Variants in DNAAF4 observed in about 807,000 individuals in gnomAD.
DNAAF4 encodes the protein dynein assembly factor 4, axonemal.
DNAAF4 carries 43 observed loss-of-function variants against 51.8 expected under a neutral mutation model. That is an observed-to-expected ratio of 0.83 (90% CI 0.65 to 1.07). The LOEUF (loss-of-function observed/expected upper bound fraction) is 1.07, where lower values mean the gene tolerates loss of function less well. Among genes scored for constraint, DNAAF4 ranks in the 50% least tolerant of loss-of-function variants. The pLI, the probability that DNAAF4 is intolerant of heterozygous loss-of-function variation, is 0.00. For missense variants in DNAAF4, 581 were observed against 493.0 expected, an observed-to-expected ratio of 1.18 and a Z score of -1.69; for synonymous variants, 194 against 165.6, an observed-to-expected ratio of 1.17 and a Z score of -1.32.
chr15:55,466,828 A>C, intron 5 of DNAAF4, 102 bp downstream of exon 5: 2 of 1,433,628 alleles, frequency 1.4e-6, no homozygotes, highest in South Asian at 2.7e-5. Context: ...CAATGTGCCA[A>C]AACAGTAACC....
In DNAAF4 at chr15:55,466,955, C is replaced by T; in HGVS notation, c.612G>A (p.Leu204=). The stretch of plus-strand genomic sequence containing the variant: ...CTTTTGGAGCAAGATTTCTAGATGC[C>T]AAATTTCTAGTAAGACTCTTATATT... ...KIKYKSLTRN[L]ASRNLAPKGR... Residue 204 remains leucine, a synonymous_variant, in exon 5 of 10, where the codon TTG becomes TTA. Coordinates refer to ENST00000321149, the MANE Select transcript of DNAAF4 (RefSeq NM_130810.4). 3 of 1,583,348 alleles carry T rather than the reference C, an allele frequency of 1.9e-6. No individual in the cohort carries two copies. The highest frequency in any genetic ancestry group is 2.6e-6 in the Non-Finnish European group (3 of 1,172,566).
chr15:55,479,581 T>G (rs988728510), intron 4 of DNAAF4, among the ~76,000 whole-genome samples: 3 of 152,140 alleles, frequency 2.0e-5, no homozygotes, highest in Non-Finnish European at 4.4e-5. Context: ...GGTCTGACTG[T>G]CTGTGGGGTC....
At chr15:55,480,697 T>C (rs548299762) in intron 4 of DNAAF4, among the ~76,000 whole-genome samples, 2 of 151,456 alleles carry the variant, frequency 1.3e-5, no homozygotes, top group East Asian at 2.0e-4. Context: ...AAACAGGAAA[T>C]AGTGGGCTTC....
chr15:55,440,430 G>C (rs1407198583), intron 6 of DNAAF4, among the ~76,000 whole-genome samples: 1 of 151,814 alleles, frequency 6.6e-6, no homozygotes, highest in African/African-American at 2.4e-5. Context: ...TCAGGCTGGA[G>C]TGCAGTGGTG....
At chr15:55,428,343 A>G (rs11631285), downstream of DNAAF4, among the ~76,000 whole-genome samples, 149,577 of 152,220 alleles carry the variant, frequency 0.98, 73,539 homozygotes, top group East Asian at 1. Context: ...TTGGGAAAGG[A>G]CTGTCACTGT....
At chr15:55,470,132 A>C (rs1364562124) in intron 4 of DNAAF4, among the ~76,000 whole-genome samples, 2 of 151,236 alleles carry the variant, frequency 1.3e-5, no homozygotes, top group African/African-American at 4.9e-5. Flanking sequence ...GCTCACTGCA[A>C]CCTCCGCCTC....
intron 4 of DNAAF4, among the ~76,000 whole-genome samples, chr15:55,472,419 A>G (rs543873319): frequency 6.6e-6 from 1 of 152,248 alleles, no homozygotes; most frequent in Admixed American, 6.5e-5. Flanking sequence ...GGAGTTCAAG[A>G]ACAACCTGGC....
intron 1 of DNAAF4, among the ~76,000 whole-genome samples, chr15:55,502,089 A>C (rs2058702686): frequency 1.3e-5 from 2 of 152,100 alleles, no homozygotes; most frequent in African/African-American, 2.4e-5. Context: ...AGGCATAATA[A>C]AGACTATTAA....
intron 5 of DNAAF4, among the ~76,000 whole-genome samples, chr15:55,464,981 G>C (rs2058147596): frequency 6.6e-6 from 1 of 151,990 alleles, no homozygotes; most frequent in Non-Finnish European, 1.5e-5. Flanking sequence ...ACAAACAAAT[G>C]TCCAACAAAC....
intron 1 of DNAAF4, among the ~76,000 whole-genome samples, chr15:55,504,397 T>G (rs916108651): frequency 6.6e-6 from 1 of 152,150 alleles, no homozygotes; most frequent in African/African-American, 2.4e-5. Flanking sequence ...CCAATGACTT[T>G]CTTCACAGAA....
At chr15:55,456,328 C>T (rs1216748240) in intron 5 of DNAAF4, among the ~76,000 whole-genome samples, 10 of 152,216 alleles carry the variant, frequency 6.6e-5, no homozygotes, top group Middle Eastern at 3.4e-3. Flanking sequence ...GTGATCTGCC[C>T]GCCTCAGCCT....
chr15:55,432,197 C>T (rs947765568), intron 9 of DNAAF4, among the ~76,000 whole-genome samples: 4 of 151,586 alleles, frequency 2.6e-5, no homozygotes, highest in African/African-American at 4.9e-5. Flanking sequence ...GTGATCCACC[C>T]GCCTCTGCCT....
chr15:55,421,645 G>A (rs1188312127), intron 7 of DNAAF4, among the ~76,000 whole-genome samples: 1 of 151,858 alleles, frequency 6.6e-6, no homozygotes, highest in Non-Finnish European at 1.5e-5. Flanking sequence ...CCAGTACTTC[G>A]GGAGGCTGAG....
chr15:55,484,808 C>G (rs2058464584), intron 4 of DNAAF4, among the ~76,000 whole-genome samples: 1 of 152,144 alleles, frequency 6.6e-6, no homozygotes, highest in African/African-American at 2.4e-5. Flanking sequence ...CCAGCACGAG[C>G]AAAAGATGTG....
At chr15:55,469,671 T>C (rs1219735813) in intron 4 of DNAAF4, among the ~76,000 whole-genome samples, 1 of 151,640 alleles carries the variant, frequency 6.6e-6, no homozygotes, top group East Asian at 2.0e-4. Context: ...TTTATATTTT[T>C]AGTAGAGACG....
intron 4 of DNAAF4, among the ~76,000 whole-genome samples, chr15:55,482,400 G>C (rs1166572449): frequency 6.6e-6 from 1 of 152,192 alleles, no homozygotes. Context: ...CTCAAGGCCA[G>C]GCGTGGTGGC....
intron 6 of DNAAF4, chr15:55,443,400 C>G (rs535241708): frequency 8.1e-6 from 5 of 617,522 alleles, no homozygotes; most frequent in South Asian, 5.9e-5. Context: ...TTGCTCTAGC[C>G]CTGGATGGCA....
At chr15:55,438,518 A>G in intron 7 of DNAAF4, among the ~76,000 whole-genome samples, 1 of 152,028 alleles carries the variant, frequency 6.6e-6, no homozygotes, top group Non-Finnish European at 1.5e-5. Flanking sequence ...ACCAGGGCTC[A>G]TGCCTGTAAT....
At chr15:55,491,375 C>A in intron 3 of DNAAF4, 119 bp from the exon 4 acceptor site, 1 of 1,017,612 alleles carries the variant, frequency 9.8e-7, no homozygotes, top group Non-Finnish European at 1.4e-6. Context: ...TCACAAGGAA[C>A]ATGGAAAATA....
Sources: gnomAD v4.1 joint callset for allele counts (sites outside exome capture counted in the v4.1 genomes callset) on GRCh38, gnomAD v4.1.1 for gene constraint, MANE v1.5 for transcripts, NCBI Gene and HGNC (gene_info 2026-07-23, HGNC 2026-07-21) for gene names.